SYNE2: variants seen among roughly 807,000 people sequenced by gnomAD.
SYNE2 encodes the protein spectrin repeat containing nuclear envelope protein 2.
A neutral mutation model predicts 856.3 loss-of-function variants in SYNE2; 431 were observed. The ratio of observed to expected loss-of-function variants is 0.50; its 90% CI spans 0.47 to 0.55. SYNE2 has a LOEUF of 0.55. SYNE2 is among the 20% of genes least tolerant of loss of function. The pLI, the probability that SYNE2 is intolerant of heterozygous loss-of-function variation, is 0.00. For missense variants in SYNE2, 8,129 were observed against 8,023.2 expected, an observed-to-expected ratio of 1.01 and a Z score of -0.50; for synonymous variants, 2,923 against 2,872.3, an observed-to-expected ratio of 1.02 and a Z score of -0.56.
intron 1 of SYNE2, among the ~76,000 whole-genome samples, chr14:63,843,321 C>T (rs1890130670): frequency 6.6e-6 from 1 of 152,098 alleles, no homozygotes; most frequent in Non-Finnish European, 1.5e-5. Flanking sequence ...GCTGGGATTA[C>T]AGGTGTGATC....
intron 100 of SYNE2, among the ~76,000 whole-genome samples, chr14:64,205,881 C>T (rs1040747382): frequency 1.4e-4 from 21 of 152,092 alleles, no homozygotes; most frequent in Admixed American, 2.6e-4. Context: ...AGTTACCCTT[C>T]CACTGGCTAA....
chr14:64,081,348 C>G, intron 56 of SYNE2, 95 bp from the exon 57 acceptor site: 1 of 1,516,776 alleles, frequency 6.6e-7, no homozygotes, highest in South Asian at 1.1e-5. Context: ...AGGCCTGACA[C>G]ACCCCTGACT....
At chr14:64,155,829 G>A (rs887593439) in intron 85 of SYNE2, among the ~76,000 whole-genome samples, 1 of 152,224 alleles carries the variant, frequency 6.6e-6, no homozygotes, top group Non-Finnish European at 1.5e-5. Context: ...TCGGGAGGCC[G>A]AGATGGGAGG....
chr14:63,956,327 G>A, intron 8 of SYNE2: 1 of 445,474 alleles, frequency 2.2e-6, no homozygotes, highest in South Asian at 1.6e-5. Context: ...ATGTAATACA[G>A]TAATTGGGAA....
At chr14:64,183,415 G>A (rs1365503891) in intron 96 of SYNE2, among the ~76,000 whole-genome samples, 2 of 150,662 alleles carry the variant, frequency 1.3e-5, no homozygotes, top group East Asian at 2.0e-4. Flanking sequence ...AGGAAGAGGC[G>A]CTCCTCACTT....
At chr14:63,847,822 GT>G (rs1481874045) in intron 1 of SYNE2, among the ~76,000 whole-genome samples, 1 of 151,958 alleles carries the variant, frequency 6.6e-6, no homozygotes, top group Non-Finnish European at 1.5e-5. Flanking sequence ...GTGACCTCAG[GT>G]GATCCACCCA....
chr14:63,904,217 C>A (rs2095377312), intron 1 of SYNE2, among the ~76,000 whole-genome samples: 1 of 151,980 alleles, frequency 6.6e-6, no homozygotes, highest in African/African-American at 2.4e-5. Context: ...TTATCAAATC[C>A]ACTGTTGATG....
At chr14:63,933,089 A>G (rs1324082193) in intron 2 of SYNE2, among the ~76,000 whole-genome samples, 1 of 152,240 alleles carries the variant, frequency 6.6e-6, no homozygotes, top group Non-Finnish European at 1.5e-5. Context: ...CCTGTTATTA[A>G]TAATCCAATC....
chr14:63,811,310 C>T (rs1435956242), intron 1 of SYNE2, among the ~76,000 whole-genome samples: 2 of 152,092 alleles, frequency 1.3e-5, no homozygotes, highest in Non-Finnish European at 2.9e-5. Flanking sequence ...GGCTGGAGTG[C>T]AGTGGTGTGA....
At chr14:63,951,333 G>A (rs1256032483) in intron 7 of SYNE2, among the ~76,000 whole-genome samples, 2 of 151,220 alleles carry the variant, frequency 1.3e-5, no homozygotes, top group Non-Finnish European at 2.9e-5. Context: ...AGAGAGTTTC[G>A]CTCTTGTCGC....
rs142408720 is a variant in SYNE2 at position 64,144,584 on chromosome 14, A to G, written c.15483+636A>G. Reference sequence around the variant, plus strand: ...TATCATTAGCAGATACTCAAAATAAACACTGTGTAACATAATGCACTTAAT... The same window carrying G: ...TATCATTAGCAGATACTCAAAATAAGCACTGTGTAACATAATGCACTTAAT... On this transcript the variant is annotated intron_variant, in intron 83 of 115. Coordinates refer to ENST00000555002, the MANE Select transcript of SYNE2 (RefSeq NM_182914.3). Among the ~76,000 whole-genome samples, 2 of 152,340 alleles carry G rather than the reference A, an allele frequency of 1.3e-5. 1 individual carries two copies. Among genetic ancestry groups the G allele is most frequent in the East Asian group, 3.9e-4 (2 of 5,192 alleles).
intron 83 of SYNE2, among the ~76,000 whole-genome samples, 181 bp from the exon 84 acceptor site, chr14:64,145,887 A>G (rs1168605189): frequency 6.6e-6 from 1 of 152,188 alleles, no homozygotes; most frequent in African/African-American, 2.4e-5. Context: ...TTTTCCTAAG[A>G]GGAGCTTTAA....
chr14:64,000,728 C>T lies in SYNE2; in HGVS notation c.3638+9C>T, dbSNP rs768388114. ...ATGACTCTTAATACCAGGTAAAATT[C>T]TGAGATCTATTAACTATGAATCTAA... On this transcript the variant is annotated intron_variant, in intron 28 of 115. Coordinates refer to ENST00000555002, the MANE Select transcript of SYNE2 (RefSeq NM_182914.3). 62 of 1,609,092 alleles carry T rather than the reference C, an allele frequency of 3.9e-5. No homozygotes were observed. The South Asian group carries it at 6.6e-4, about 17-fold the overall frequency.
chr14:63,931,554 A>G (rs1280126438), intron 2 of SYNE2, among the ~76,000 whole-genome samples: 1 of 151,520 alleles, frequency 6.6e-6, no homozygotes. Flanking sequence ...TGTCTCAAAA[A>G]AAAAAAAAAA....
intron 102 of SYNE2, 163 bp downstream of exon 102, chr14:64,209,741 A>T (rs954478530): frequency 1.7e-6 from 2 of 1,172,366 alleles, no homozygotes; most frequent in African/African-American, 1.5e-5. Context: ...TTTGCAAGAC[A>T]TTGCTGATGT....
chr14:63,762,308 G>A (rs554101811), intron 1 of SYNE2, among the ~76,000 whole-genome samples: 3 of 152,086 alleles, frequency 2.0e-5, no homozygotes, highest in South Asian at 2.1e-4. Context: ...GGTGGTACAT[G>A]CCTGTAATCC....
rs181328090 is a variant in SYNE2, at chr14:64,105,631, T to C, written c.12493-1860T>C. 1.4e-3 allele frequency among the ~76,000 whole-genome samples: 216 copies of C among 152,362 alleles called. 1 individual carries two copies. Among genetic ancestry groups the C allele is most frequent in the African/African-American group, 4.9e-3 (204 of 41,582 alleles). Reference sequence around the variant, plus strand: ...GATTATAATATCCACATGCTTTCTGTCACGTTGTGTTAATTCTTTGTGTAC... The same window carrying C: ...GATTATAATATCCACATGCTTTCTGCCACGTTGTGTTAATTCTTTGTGTAC... On this transcript the variant is annotated intron_variant, in intron 64 of 115. Transcript: ENST00000555002.
intron 96 of SYNE2, among the ~76,000 whole-genome samples, chr14:64,183,751 C>CA (rs1469321441): frequency 6.6e-6 from 1 of 151,972 alleles, no homozygotes; most frequent in South Asian, 2.1e-4. Context: ...CCGTCTCCAC[C>CA]AAAAAAATAC....
chr14:64,116,590 G>T (rs866942430), intron 66 of SYNE2, among the ~76,000 whole-genome samples: 2 of 152,064 alleles, frequency 1.3e-5, no homozygotes, highest in African/African-American at 4.8e-5. Flanking sequence ...GCTAATTTTT[G>T]TATTTTTAGT....
Sources: allele counts gnomAD v4.1 joint callset (sites outside exome capture counted in the v4.1 genomes callset), GRCh38; gene constraint gnomAD v4.1.1; transcripts MANE v1.5; gene names NCBI Gene and HGNC (gene_info 2026-07-23, HGNC 2026-07-21).